Variants in LAMB3 observed in about 807,000 individuals in gnomAD.
LAMB3 encodes laminin subunit beta 3.
LAMB3 carries 104 observed loss-of-function variants against 140.3 expected under a neutral mutation model. The observed-to-expected ratio is 0.74, with a 90% CI of 0.63 to 0.87. The LOEUF (loss-of-function observed/expected upper bound fraction) is 0.87. Ranked by LOEUF, LAMB3 falls within the 40% of genes least tolerant of loss-of-function variation. The pLI is 0.00. For missense variants in LAMB3, 1,531 were observed against 1,575.2 expected (o/e 0.97, Z 0.47); for synonymous variants, 592 against 602.9 (o/e 0.98, Z 0.26).
intron 5 of LAMB3, among the ~76,000 whole-genome samples, chr1:209,637,280 T>A (rs868137925): frequency 7.9e-5 from 12 of 152,236 alleles, no homozygotes; most frequent in Admixed American, 2.0e-4. Flanking sequence ...CCCTTCCTAA[T>A]CCTTTAATCT....
Position 209,623,409 on chromosome 1 carries a change from G to A in LAMB3, c.2358+96C>T. 7.9e-7 allele frequency: 1 copy of A among 1,271,124 alleles called. No individual in the cohort carries two copies. The highest frequency in any genetic ancestry group is 1.1e-6 in the Non-Finnish European group (1 of 871,506). 78.7% of individuals were successfully genotyped at this position (1,271,124 alleles called of 1,614,324 possible). On this transcript the variant is annotated intron_variant, in intron 16 of 22. Coordinates refer to ENST00000356082, the MANE Select transcript of LAMB3 (RefSeq NM_000228.3). This position sits in a 1 kb window ranked among gnomAD's most constrained non-coding sequence, Gnocchi z 4.2. ...GCTGGGGGAGTGGGGTTCTCACAGGGGCAGATCTGCCCTAATAGGAAGCAG... is the reference window on the plus strand; with the variant it reads ...GCTGGGGGAGTGGGGTTCTCACAGGAGCAGATCTGCCCTAATAGGAAGCAG...
chr1:209,616,698 A>G (rs1217638016), intron 21 of LAMB3, 74 bp from the exon 22 acceptor site: 1 of 1,439,286 alleles, frequency 6.9e-7, no homozygotes, highest in African/African-American at 1.4e-5. Flanking sequence ...AAAGCACTTG[A>G]TATCACCCAA....
At chr1:209,629,658 A>C (rs1335984172) in intron 10 of LAMB3, 79 bp downstream of exon 10, 10 of 1,404,288 alleles carry the variant, frequency 7.1e-6, no homozygotes, top group Middle Eastern at 1.8e-4. Context: ...TGTGCCCAGG[A>C]ACATGTACTC....
Position 209,627,530 on chromosome 1 carries a change from CT to C in LAMB3, c.1337del (p.Glu446GlyfsTer64). On this transcript the variant is annotated frameshift_variant, in exon 12 of 23. Transcript: ENST00000356082. LOFTEE classifies it high-confidence loss of function. ...LGSRRDMPCD[E>X]ESGRCLCLPN... Reference sequence around the variant, plus strand: ...GCAGACAAAGGCAGCGCCCACTCTCCTCGTCACACGGCATGTCCCTCCGGGA... The same window carrying C: ...GCAGACAAAGGCAGCGCCCACTCTCCCGTCACACGGCATGTCCCTCCGGGA... 2 of 1,614,082 alleles carry C rather than the reference CT, an allele frequency of 1.2e-6. No individual in the cohort carries two copies. The highest frequency in any genetic ancestry group is 1.7e-6 in the Non-Finnish European group (2 of 1,180,022).
intron 14 of LAMB3, among the ~76,000 whole-genome samples, chr1:209,624,788 T>G (rs1297241566): frequency 6.6e-6 from 1 of 152,066 alleles, no homozygotes; most frequent in Non-Finnish European, 1.5e-5. Context: ...GCGCAAAGAT[T>G]ATGTCATACT....
At chr1:209,630,781 G>T in intron 8 of LAMB3, 46 bp from the exon 9 acceptor site, 1 of 1,608,660 alleles carries the variant, frequency 6.2e-7, no homozygotes, top group Non-Finnish European at 8.5e-7. Flanking sequence ...ACAAAGAAGG[G>T]CACCAGGGAT....
chr1:209,638,451 C>T, intron 4 of LAMB3, 83 bp downstream of exon 4: 2 of 919,448 alleles, frequency 2.2e-6, no homozygotes, highest in South Asian at 1.3e-5. Context: ...CCTGGGAAAC[C>T]CAAAGGGTTA....
At chr1:209,633,164 A>G (rs750436426) in intron 6 of LAMB3, 31 bp from the exon 7 acceptor site, 2 of 1,522,428 alleles carry the variant, frequency 1.3e-6, no homozygotes, top group African/African-American at 2.7e-5. Context: ...GAAGCGCTGA[A>G]GAAGAGACAA....
rs146794392 is a variant in LAMB3 at position 209,623,999 on chromosome 1, G to T, written c.1978C>A (p.Arg660=). The T allele has an allele frequency of 1.9e-6, 3 of 1,612,488 alleles. No homozygotes were observed. Among genetic ancestry groups the T allele is most frequent in the South Asian group, 1.1e-5 (1 of 91,068 alleles). The part of the protein sequence containing the change: ...QVASAILSLR[R]TLQGLQLDLP... ...TCCAGCTGCAGGCCCTGGAGAGTTC[G>T]CCTGAGAAGGGAGAGGAGCTTACAC... The change falls in exon 15 of 23, where the codon CGA becomes AGA. Residue 660 remains arginine, a splice_region_variant and synonymous_variant. Coordinates refer to ENST00000356082, the MANE Select transcript of LAMB3 (RefSeq NM_000228.3). The surrounding 1 kb of genome is among the most constrained non-coding windows in gnomAD (Gnocchi z 4.2).
intron 5 of LAMB3, 105 bp from the exon 6 acceptor site, chr1:209,634,743 C>T (rs1364247009): frequency 8.4e-6 from 8 of 954,784 alleles, no homozygotes; most frequent in Admixed American, 8.2e-5. Flanking sequence ...AGAAAGGGGG[C>T]CCAGTGGGAG....
chr1:209,644,842 C>T (rs1276386674), intron 3 of LAMB3, among the ~76,000 whole-genome samples: 1 of 152,172 alleles, frequency 6.6e-6, no homozygotes. Flanking sequence ...CAGGTCCTGC[C>T]AGTGGCAATG....
chr1:209,628,336 G>T, intron 10 of LAMB3, 146 bp from the exon 11 acceptor site: 1 of 870,048 alleles, frequency 1.1e-6, no homozygotes. Flanking sequence ...TAATCCCTCT[G>T]TGCCTCAATT....
chr1:209,622,509 C>A, intron 18 of LAMB3, 27 bp downstream of exon 18: 1 of 1,612,978 alleles, frequency 6.2e-7, no homozygotes. Context: ...GGAACAGCAG[C>A]CAAGGTGGGG....
Position 209,638,626 on chromosome 1 carries a change from C to T in LAMB3, c.206G>A (p.Cys69Tyr). Residue 69 changes from cysteine (C) to tyrosine (Y), a missense_variant, in exon 4 of 23, where the codon TGT (cysteine) becomes TAT (tyrosine). Transcript: ENST00000356082. ...YGEWQMKCCKCDSRQPHNYYS... is the reference protein window; with the variant it reads ...YGEWQMKCCKYDSRQPHNYYS... ...GTAGTTGTGAGGCTGCCTGGAGTCA[C>T]ACTTGCAGCATTTCATCTGCCACTG... 1 of 1,613,714 alleles carries T rather than the reference C, an allele frequency of 6.2e-7. No individual in the cohort carries two copies. Among genetic ancestry groups the T allele is most frequent in the Non-Finnish European group, 8.5e-7 (1 of 1,179,600 alleles).
In LAMB3 at chr1:209,623,780, G is replaced by T; in HGVS notation, c.2138-55C>A. 7 of 1,613,190 alleles carry T rather than the reference G, an allele frequency of 4.3e-6. No individual in the cohort carries two copies. Among genetic ancestry groups the T allele is most frequent in the Non-Finnish European group, 5.1e-6 (6 of 1,179,252 alleles). ...GGAGGAGGAGCAGGAGGGAGAGGGG[G>T]TGGCATGCCCACCACGGCAGTGCCC... On this transcript the variant is annotated intron_variant, in intron 15 of 22. Transcript: ENST00000356082. This position sits in a 1 kb window ranked among gnomAD's most constrained non-coding sequence, Gnocchi z 4.2.
intron 18 of LAMB3, 134 bp downstream of exon 18, chr1:209,622,402 G>A: frequency 4.7e-6 from 5 of 1,052,800 alleles, no homozygotes; most frequent in Non-Finnish European, 7.2e-6. Flanking sequence ...TGGCCATGGT[G>A]CCAAGGAGAA....
At chr1:209,650,877 C>T in intron 2 of LAMB3, 40 bp downstream of exon 2, 2 of 1,602,580 alleles carry the variant, frequency 1.2e-6, no homozygotes, top group South Asian at 2.2e-5. Context: ...TGCCTCCCTG[C>T]CATATAACAG....
In LAMB3 at chr1:209,627,338, C is replaced by T. The variant is rs752234655; in HGVS notation, c.1485+45G>A. ...GCAGCAGAGAGGCTGGTGCTCAGGA[C>T]CCCCCTCCCACTGAGGGGGCCCCCG... On this transcript the variant is annotated intron_variant, in intron 12 of 22. Coordinates refer to ENST00000356082, the MANE Select transcript of LAMB3 (RefSeq NM_000228.3). 3.3e-6 allele frequency: 5 copies of T among 1,502,714 alleles called. No individual in the cohort carries two copies. In the South Asian group the frequency reaches 3.4e-5, roughly 10 times the overall value. The allele number at this position is 1,502,714 out of a possible 1,614,324, so 93.1% of individuals were successfully genotyped here.
At chr1:209,647,528 G>C (rs1343419246) in intron 3 of LAMB3, among the ~76,000 whole-genome samples, 1 of 152,164 alleles carries the variant, frequency 6.6e-6, no homozygotes, top group Non-Finnish European at 1.5e-5. Flanking sequence ...TGGGCTCAGG[G>C]CTCGCTATGT....
Sources: allele counts gnomAD v4.1 joint callset (sites outside exome capture counted in the v4.1 genomes callset), GRCh38; gene constraint gnomAD v4.1.1; non-coding constraint Gnocchi (gnomAD v3.1); transcripts MANE v1.5; gene names NCBI Gene and HGNC (gene_info 2026-07-23, HGNC 2026-07-21).